GLIS3: variants seen among roughly 807,000 people sequenced by gnomAD.
The protein encoded by GLIS3 is GLIS family zinc finger 3, also known as zinc finger protein GLIS3.
GLIS3 carries 53 observed loss-of-function variants against 78.6 expected under a neutral mutation model. That is an observed-to-expected ratio of 0.67 (90% CI 0.54 to 0.85). GLIS3 has a LOEUF of 0.85. Among genes scored for constraint, GLIS3 ranks in the 40% least tolerant of loss-of-function variants. The probability of loss-of-function intolerance (pLI) is 0.00; values close to 1 mark genes in which losing one functional copy is unlikely to be tolerated. For missense variants in GLIS3, 1,703 were observed against 1,231.1 expected, an observed-to-expected ratio of 1.38 and a Z score of -5.74; for synonymous variants, 684 against 509.9, an observed-to-expected ratio of 1.34 and a Z score of -4.60.
chr9:4,218,834 C>A (rs779314195), intron 2 of GLIS3, among the ~76,000 whole-genome samples: 5 of 152,220 alleles, frequency 3.3e-5, no homozygotes, highest in Admixed American at 2.0e-4. Context: ...CAAAGCCCAG[C>A]TGATCTTTTA....
chr9:4,280,410 T>C (rs1019187815), intron 2 of GLIS3, among the ~76,000 whole-genome samples: 2 of 152,184 alleles, frequency 1.3e-5, no homozygotes, highest in South Asian at 2.1e-4. Flanking sequence ...TTTGGTTATA[T>C]AACATGAAAG....
chr9:4,433,968 A>G, the GLIS3 span, among the ~76,000 whole-genome samples: 2 of 151,922 alleles, frequency 1.3e-5, no homozygotes, highest in Admixed American at 6.6e-5. Flanking sequence ...TGGTGGCACA[A>G]GCCTGTAATC....
intron 1 of GLIS3, among the ~76,000 whole-genome samples, chr9:4,286,991 A>G (rs1828057142): frequency 6.6e-6 from 1 of 152,178 alleles, no homozygotes; most frequent in African/African-American, 2.4e-5. Context: ...ACACTAAACC[A>G]TCTCTGATTT....
chr9:3,876,905 C>T (rs1442690592), intron 8 of GLIS3, among the ~76,000 whole-genome samples: 1 of 151,750 alleles, frequency 6.6e-6, no homozygotes, highest in Admixed American at 6.6e-5. Flanking sequence ...CACAGCCAAA[C>T]AGTTAGCAAC....
chr9:4,212,874 C>G (rs1820495234), intron 2 of GLIS3, among the ~76,000 whole-genome samples: 1 of 152,120 alleles, frequency 6.6e-6, no homozygotes, highest in South Asian at 2.1e-4. Context: ...GGGCTATACC[C>G]TGAGGGGTAT....
chr9:4,447,880 T>A, the GLIS3 span, among the ~76,000 whole-genome samples: 2 of 152,208 alleles, frequency 1.3e-5, no homozygotes, highest in Admixed American at 1.3e-4. Context: ...CCCTTTTACA[T>A]TTTTCACTGT....
chr9:4,052,790 A>C (rs976070707), intron 4 of GLIS3, among the ~76,000 whole-genome samples: 31 of 152,202 alleles, frequency 2.0e-4, no homozygotes, highest in Non-Finnish European at 7.3e-5. Flanking sequence ...ACATTCATGT[A>C]AACGTTTTTG....
chr9:4,404,547 G>C, the GLIS3 span, among the ~76,000 whole-genome samples: 2 of 152,150 alleles, frequency 1.3e-5, no homozygotes, highest in Non-Finnish European at 2.9e-5. Context: ...AATAAAACTT[G>C]AAATCAGTAA....
At chr9:4,353,334 C>G (rs1442238559), upstream of GLIS3, among the ~76,000 whole-genome samples, 1 of 152,140 alleles carries the variant, frequency 6.6e-6, no homozygotes, top group Non-Finnish European at 1.5e-5. Context: ...GCTATATGAT[C>G]TGATTTTGTG....
the GLIS3 span, among the ~76,000 whole-genome samples, chr9:4,376,240 G>T: frequency 3.8e-4 from 58 of 152,274 alleles, no homozygotes; most frequent in Non-Finnish European, 6.6e-4. Flanking sequence ...TGTTAGGAAG[G>T]AAACAGGTTG....
At chr9:4,429,793 G>A in the GLIS3 span, among the ~76,000 whole-genome samples, 5 of 152,122 alleles carry the variant, frequency 3.3e-5, no homozygotes, top group East Asian at 7.7e-4. Context: ...CTGTATGCAG[G>A]TGACCAAGGT....
At chr9:3,961,855 C>G (rs1817578927) in intron 4 of GLIS3, among the ~76,000 whole-genome samples, 4 of 152,102 alleles carry the variant, frequency 2.6e-5, no homozygotes, top group Admixed American at 2.6e-4. Flanking sequence ...CCAATGAAAC[C>G]TTCAAGAAAA....
At chr9:3,988,563 T>A (rs889799692) in intron 4 of GLIS3, among the ~76,000 whole-genome samples, 1 of 152,140 alleles carries the variant, frequency 6.6e-6, no homozygotes, top group African/African-American at 2.4e-5. Context: ...AATTAATACA[T>A]AGATCGATTG....
chr9:3,943,367 C>A (rs2130815710), intron 4 of GLIS3, among the ~76,000 whole-genome samples: 1 of 152,316 alleles, frequency 6.6e-6, no homozygotes, highest in East Asian at 1.9e-4. Flanking sequence ...ACAATGGGAA[C>A]AGAGAACATG....
the GLIS3 span, among the ~76,000 whole-genome samples, chr9:4,406,741 T>C: frequency 1.3e-5 from 2 of 152,008 alleles, no homozygotes; most frequent in Admixed American, 1.3e-4. Context: ...ATTAACCAAA[T>C]ACGTGAAAGA....
At position 3,881,428 on chromosome 9, in the gene GLIS3, A is replaced by T. The variant is rs183074560; in HGVS notation, c.2129-1833T>A. Among the ~76,000 whole-genome samples the T allele has an allele frequency of 1.5e-4, 23 of 152,324 alleles. No homozygotes were observed. In the East Asian group the frequency reaches 4.2e-3, roughly 28 times the overall value. On this transcript the variant is annotated intron_variant, in intron 7 of 10. Transcript: ENST00000381971. ...GGGAAGCATTGCCCCTGCTGTTTAC[A>T]ACCCAATGGGCAACAAGGAAACTTG...
At position 3,991,683 on chromosome 9, in the gene GLIS3, A is replaced by AATTTTTTTTTTTT. The variant is rs1265317427; in HGVS notation, c.1711-54495_1711-54494insAAAAAAAAAAAAT. ...GTTCAGAATTTCATTAAGTAGGCTG[A>AATTTTTTTTTTTT]TTTTTTTTTTTTTTTTTTTTTTTTT... On this transcript the variant is annotated intron_variant, in intron 4 of 10. Coordinates refer to ENST00000381971, the MANE Select transcript of GLIS3 (RefSeq NM_001042413.2). Among the ~76,000 whole-genome samples the AATTTTTTTTTTTT allele has an allele frequency of 3.0e-4, 26 of 87,908 alleles. 1 individual carries two copies. The highest frequency in any genetic ancestry group is 1.2e-3 in the African/African-American group (23 of 18,984). 57.7% of individuals were successfully genotyped at this position (87,908 alleles called of 152,430 possible). A position where few individuals can be genotyped will look rare whatever the true frequency, so the allele number is the denominator to read the frequency against.
At chr9:4,269,053 C>CA (rs1228553913) in intron 2 of GLIS3, among the ~76,000 whole-genome samples, 1 of 152,184 alleles carries the variant, frequency 6.6e-6, no homozygotes. Flanking sequence ...GCTAACATAC[C>CA]ATCACATAGA....
chr9:4,333,029 T>C (rs1817708038), intron 2 of GLIS3, among the ~76,000 whole-genome samples: 2 of 152,204 alleles, frequency 1.3e-5, no homozygotes, highest in African/African-American at 2.4e-5. Flanking sequence ...ATCTAAGTCA[T>C]CTCCTTCAAT....
Sources: allele counts gnomAD v4.1 joint callset (sites outside exome capture counted in the v4.1 genomes callset), GRCh38; gene constraint gnomAD v4.1.1; transcripts MANE v1.5; gene names NCBI Gene and HGNC (gene_info 2026-07-23, HGNC 2026-07-21).